Variants in SLIT3 observed in about 807,000 individuals in gnomAD.
The protein encoded by SLIT3 is slit homolog 3 protein.
Under a neutral mutation model 184.0 loss-of-function variants are expected in SLIT3, and 68 were observed. That is an observed-to-expected ratio of 0.37 (90% CI 0.30 to 0.45). The LOEUF (loss-of-function observed/expected upper bound fraction) is 0.45. Among genes scored for constraint, SLIT3 ranks in the 20% least tolerant of loss-of-function variants. The probability of loss-of-function intolerance (pLI) is 1.00; values close to 1 mark genes in which losing one functional copy is unlikely to be tolerated. For synonymous variants in SLIT3, 831 were observed against 828.6 expected, an observed-to-expected ratio of 1.00 and a Z score of -0.05; for missense variants, 1,707 against 2,026.0, an observed-to-expected ratio of 0.84 and a Z score of 3.02.
intron 14 of SLIT3, among the ~76,000 whole-genome samples, chr5:168,764,701 T>TG (rs1182596078): frequency 6.6e-6 from 1 of 152,178 alleles, no homozygotes; most frequent in Non-Finnish European, 1.5e-5. Flanking sequence ...AGCCTGGTCC[T>TG]GTCCTCCTTT....
intron 3 of SLIT3, among the ~76,000 whole-genome samples, chr5:169,233,335 T>C (rs1326388044): frequency 2.0e-5 from 3 of 152,214 alleles, no homozygotes; most frequent in Non-Finnish European, 2.9e-5. Context: ...CATTGGTATT[T>C]TTTGGTGCTA....
chr5:168,988,785 G>C (rs1213949226), intron 4 of SLIT3, among the ~76,000 whole-genome samples: 14 of 152,014 alleles, frequency 9.2e-5, no homozygotes, highest in Admixed American at 3.3e-4. Context: ...CCCCCCCCAG[G>C]GGCAGGCAGC....
At chr5:168,806,336 T>A in intron 9 of SLIT3, 110 bp downstream of exon 9, 1 of 1,182,546 alleles carries the variant, frequency 8.5e-7, no homozygotes, top group East Asian at 2.4e-5. Context: ...GTGTTTTTAA[T>A]GGTCAGCTCC....
intron 1 of SLIT3, among the ~76,000 whole-genome samples, chr5:169,266,144 T>C (rs1382301538): frequency 6.6e-6 from 1 of 152,190 alleles, no homozygotes; most frequent in Non-Finnish European, 1.5e-5. Flanking sequence ...CCAAACTCCT[T>C]GCAAGGCCTG....
chr5:168,841,185 G>A (rs942590131), intron 6 of SLIT3, among the ~76,000 whole-genome samples: 1 of 152,234 alleles, frequency 6.6e-6, no homozygotes, highest in Non-Finnish European at 1.5e-5. Context: ...CAGCTTGGTA[G>A]AATGGTTAAT....
At chr5:169,137,684 C>T (rs1761571789) in intron 4 of SLIT3, among the ~76,000 whole-genome samples, 2 of 152,084 alleles carry the variant, frequency 1.3e-5, no homozygotes, top group African/African-American at 4.8e-5. Flanking sequence ...CACATAGCGC[C>T]ACAGAGACCC....
intron 4 of SLIT3, among the ~76,000 whole-genome samples, chr5:169,182,369 T>A (rs918297095): frequency 1.3e-5 from 2 of 152,236 alleles, no homozygotes; most frequent in Admixed American, 1.3e-4. Flanking sequence ...TAATATTGTA[T>A]CAACACTTTC....
At chr5:168,896,323 T>C (rs1318710129) in intron 4 of SLIT3, among the ~76,000 whole-genome samples, 1 of 152,192 alleles carries the variant, frequency 6.6e-6, no homozygotes, top group African/African-American at 2.4e-5. Context: ...GCGGGAATTA[T>C]TATAAAATAG....
At chr5:168,925,066 T>C (rs936140255) in intron 4 of SLIT3, among the ~76,000 whole-genome samples, 6 of 152,220 alleles carry the variant, frequency 3.9e-5, no homozygotes, top group Non-Finnish European at 8.8e-5. Flanking sequence ...TGTTATTTTC[T>C]GTTAACCTCC....
At chr5:169,166,894 G>A (rs539782794) in intron 4 of SLIT3, among the ~76,000 whole-genome samples, 4 of 152,188 alleles carry the variant, frequency 2.6e-5, no homozygotes, top group Non-Finnish European at 5.9e-5. Flanking sequence ...GGCCATGCAC[G>A]GCGGCTCACG....
intron 4 of SLIT3, among the ~76,000 whole-genome samples, chr5:169,083,943 G>A (rs1759176502): frequency 6.6e-6 from 1 of 152,172 alleles, no homozygotes; most frequent in African/African-American, 2.4e-5. Flanking sequence ...TCTCTCACAA[G>A]CCCTGTACCT....
intron 20 of SLIT3, among the ~76,000 whole-genome samples, chr5:168,744,450 A>C (rs914742324): frequency 6.6e-6 from 1 of 152,246 alleles, no homozygotes; most frequent in African/African-American, 2.4e-5. Context: ...CCGTGGAGAC[A>C]AAATAGCCTT....
chr5:168,850,663 T>C (rs1158236329), intron 5 of SLIT3, among the ~76,000 whole-genome samples: 8 of 152,226 alleles, frequency 5.3e-5, no homozygotes, highest in African/African-American at 1.7e-4. Context: ...TAGAACTTAG[T>C]TGGAAATTGA....
chr5:169,055,443 T>C (rs2113075628), intron 4 of SLIT3, among the ~76,000 whole-genome samples: 1 of 152,262 alleles, frequency 6.6e-6, no homozygotes, highest in Non-Finnish European at 1.5e-5. Context: ...CAGGCCAAGC[T>C]TGAGCAAAGG....
chr5:168,694,623 T>C (rs771574649), intron 28 of SLIT3, among the ~76,000 whole-genome samples: 188 of 152,140 alleles, frequency 1.2e-3, no homozygotes, highest in South Asian at 2.1e-3. Flanking sequence ...CTCTCTCTCT[T>C]TCTTTCTTTT....
At chr5:169,082,745 T>C (rs1307793986) in intron 4 of SLIT3, among the ~76,000 whole-genome samples, 1 of 152,254 alleles carries the variant, frequency 6.6e-6, no homozygotes, top group East Asian at 1.9e-4. Flanking sequence ...GAAGATGTGA[T>C]GTTGTTTAAT....
At chr5:168,819,632 G>A (rs920950516) in intron 7 of SLIT3, among the ~76,000 whole-genome samples, 1 of 152,224 alleles carries the variant, frequency 6.6e-6, no homozygotes, top group African/African-American at 2.4e-5. Context: ...TTCCGATCAA[G>A]GGTAAGAGAT....
chr5:168,692,700 C>T lies in SLIT3; in HGVS notation c.3083G>A (p.Gly1028Asp). 1 of 1,612,972 alleles carries T rather than the reference C, an allele frequency of 6.2e-7. No individual in the cohort carries two copies. Among genetic ancestry groups the T allele is most frequent in the South Asian group, 1.1e-5 (1 of 91,004 alleles). Reference protein sequence around the residue: ...YVCICPPNYTGELCDEVIDHC... With the variant: ...YVCICPPNYTDELCDEVIDHC... ...GTCAATCACCTCGTCGCATAGCTCACCTGGCACAGATGGGGGAGATAGCTC... is the reference window on the plus strand; with the variant it reads ...GTCAATCACCTCGTCGCATAGCTCATCTGGCACAGATGGGGGAGATAGCTC... Residue 1028 changes from glycine to aspartate, a missense_variant and splice_region_variant, in exon 29 of 36, where the codon GGT becomes GAT. Physicochemically the swap from Gly to Asp is moderately conservative, Grantham distance 94. This residue lies in a region of SLIT3 where 1,307 missense variants were observed against 1,511.6 expected (regional missense o/e 0.86). Coordinates refer to ENST00000519560, the MANE Select transcript of SLIT3 (RefSeq NM_003062.4).
chr5:169,216,121 G>T lies in SLIT3; in HGVS notation c.342-22571C>A, dbSNP rs75984031. The stretch of plus-strand genomic sequence containing the variant: ...CTCAGTGCCTGGAATCCAGCCCCTG[G>T]GTTGGCCTCCTTCTGCCAAAGTTGT... On this transcript the variant is annotated intron_variant, in intron 3 of 35. Transcript: ENST00000519560. 5.8e-3 allele frequency among the ~76,000 whole-genome samples: 884 copies of T among 152,250 alleles called. 9 individuals are homozygous for T. The highest frequency in any genetic ancestry group is 0.02 in the African/African-American group (823 of 41,538).
Sources: gnomAD v4.1 joint callset for allele counts (sites outside exome capture counted in the v4.1 genomes callset) on GRCh38, gnomAD v4.1.1 for gene constraint, gnomAD v4.1.1 regional missense constraint, MANE v1.5 for transcripts, NCBI Gene and HGNC (gene_info 2026-07-23, HGNC 2026-07-21) for gene names.